IQSEC3: variants seen among roughly 807,000 people sequenced by gnomAD.
The protein encoded by IQSEC3 is IQ motif and SEC7 domain-containing protein 3.
Under a neutral mutation model 105.4 loss-of-function variants are expected in IQSEC3, and 50 were observed. The ratio of observed to expected loss-of-function variants is 0.47; its 90% CI spans 0.38 to 0.60. The LOEUF (loss-of-function observed/expected upper bound fraction) is 0.60. Ranked by LOEUF, IQSEC3 falls within the 20% of genes least tolerant of loss-of-function variation. IQSEC3 has a pLI of 0.00. For missense variants in IQSEC3, 1,415 were observed against 1,630.0 expected (o/e 0.87, Z 2.27); for synonymous variants, 708 against 746.0 (o/e 0.95, Z 0.83).
In IQSEC3 at chr12:163,485, C is replaced by A; in HGVS notation, c.2584-9C>A. 1.9e-6 allele frequency: 3 copies of A among 1,597,334 alleles called. No individual in the cohort carries two copies. Among genetic ancestry groups the A allele is most frequent in the Non-Finnish European group, 2.6e-6 (3 of 1,170,222 alleles). On this transcript the variant is annotated splice_polypyrimidine_tract_variant and intron_variant, in intron 8 of 13. Transcript: ENST00000538872. ...GGTCTCTCCCGCTGAGCGCCCTGCC[C>A]GCGTGCAGGTGCTGTCCGTGCCCCA...
At chr12:84,543 G>A (rs542022108) in intron 1 of IQSEC3, among the ~76,000 whole-genome samples, 28 of 152,336 alleles carry the variant, frequency 1.8e-4, no homozygotes, top group South Asian at 1.5e-3. Flanking sequence ...GGTTTGGGGC[G>A]TTTAGGACCT....
At position 162,066 on chromosome 12, in the gene IQSEC3, G is replaced by A; in HGVS notation, c.2583+1G>A. On this transcript the variant is annotated splice_donor_variant, in intron 8 of 13. Transcript: ENST00000538872. LOFTEE classifies it high-confidence loss of function. ...GAAGTCCATTGTGGGCATGAAGACA[G>A]TGAGTGTCCACAAGCTACCTATCTC... The A allele has an allele frequency of 6.2e-7, 1 of 1,613,626 alleles. No homozygotes were observed. Among genetic ancestry groups the A allele is most frequent in the Non-Finnish European group, 8.5e-7 (1 of 1,179,926 alleles).
chr12:163,541 C>T lies in IQSEC3; in HGVS notation c.2631C>T (p.Phe877=), dbSNP rs564741148. The T allele has an allele frequency of 6.2e-7, 1 of 1,611,880 alleles. No individual in the cohort carries two copies. The highest frequency in any genetic ancestry group is 2.2e-5 in the East Asian group (1 of 44,784). Residue 877 remains phenylalanine, a synonymous_variant, in exon 9 of 14, where the codon TTC becomes TTT. Coordinates refer to ENST00000538872, the MANE Select transcript of IQSEC3 (RefSeq NM_001170738.2). ...GCCTGGTGTGCTGCAGCCGGCTCTT[C>T]GAGGTGACGGATGTGAACAAGCTGC... ...HRRLVCCSRL[F]EVTDVNKLQK... is the part of the protein sequence containing the mutation.
intron 3 of IQSEC3, among the ~76,000 whole-genome samples, chr12:127,757 A>G (rs945560475): frequency 7.2e-5 from 11 of 152,136 alleles, no homozygotes; most frequent in Non-Finnish European, 8.8e-5. Context: ...GTTTGAGTTC[A>G]TTGTAGATTC....
rs539938038 is a variant in IQSEC3 at position 75,208 on chromosome 12, G to T, written c.554+7772G>T. On this transcript the variant is annotated intron_variant, in intron 1 of 13. Transcript: ENST00000538872. ...TATTTGAGCAATCTCCCAGAGAAGG[G>T]TTTGGTAAGAAGGGAGGATACTGGG... Among the ~76,000 whole-genome samples, 22 of 152,388 alleles carry T rather than the reference G, an allele frequency of 1.4e-4. No individual in the cohort carries two copies. In the East Asian group the frequency reaches 3.1e-3, roughly 21 times the overall value.
intron 1 of IQSEC3, among the ~76,000 whole-genome samples, chr12:96,177 A>G (rs1555074727): frequency 6.6e-6 from 1 of 152,214 alleles, no homozygotes; most frequent in Non-Finnish European, 1.5e-5. Context: ...AGGGTGGGAC[A>G]ATTTGAAATA....
At chr12:165,596 G>A (rs893440683) in intron 10 of IQSEC3, 63 bp downstream of exon 10, 23 of 1,550,414 alleles carry the variant, frequency 1.5e-5, no homozygotes, top group African/African-American at 2.7e-5. Context: ...TGGCTGGGGC[G>A]AGTTGAGGGA....
intron 3 of IQSEC3, among the ~76,000 whole-genome samples, chr12:126,164 C>A (rs1301895465): frequency 2.6e-5 from 4 of 152,222 alleles, no homozygotes; most frequent in Admixed American, 2.6e-4. Context: ...GGCTCTGCTC[C>A]TCACACAGTG....
chr12:162,959 A>T (rs868909504), intron 8 of IQSEC3, among the ~76,000 whole-genome samples: 15 of 152,026 alleles, frequency 9.9e-5, no homozygotes, highest in Admixed American at 9.8e-4. Flanking sequence ...TCAATTTCCT[A>T]TTCCTGTCCC....
At chr12:146,434 C>T (rs79226792) in intron 5 of IQSEC3, among the ~76,000 whole-genome samples, 12 of 152,276 alleles carry the variant, frequency 7.9e-5, no homozygotes, top group Admixed American at 3.3e-4. Context: ...TGAGCTCTTA[C>T]GGCACCACTG....
At chr12:70,963 C>T (rs1230198554) in intron 1 of IQSEC3, among the ~76,000 whole-genome samples, 1 of 152,278 alleles carries the variant, frequency 6.6e-6, no homozygotes. Context: ...TCTCTTCTCC[C>T]CTTCTACCTC....
At chr12:73,092 AAAT>A in intron 1 of IQSEC3, among the ~76,000 whole-genome samples, 2 of 143,468 alleles carry the variant, frequency 1.4e-5, no homozygotes, top group African/African-American at 5.5e-5. Context: ...ATAAATAAAT[AAAT>A]AAAAAAGGGA....
chr12:151,104 G>A (rs566700527), intron 5 of IQSEC3, among the ~76,000 whole-genome samples: 22 of 135,252 alleles, frequency 1.6e-4, no homozygotes, highest in Non-Finnish European at 2.9e-4. Flanking sequence ...TGGAGACTCC[G>A]TCTCTCCTCC....
chr12:138,940 A>G lies in IQSEC3; in HGVS notation c.1577A>G (p.Lys526Arg), dbSNP rs1338062288. The G allele has an allele frequency of 2.5e-6, 4 of 1,584,026 alleles. No individual in the cohort carries two copies. The highest frequency in any genetic ancestry group is 1.3e-5 in the African/African-American group (1 of 74,496). ...VQAPAEPAAG[K>R]AEQGETSGRE... ...GCCCCCGCAGAGCCCGCGGCGGGCA[A>G]GGCCGAGCAGGGCGAGACCTCTGGG... Residue 526 changes from lysine to arginine, a missense_variant, in exon 4 of 14, where the codon AAG (lysine) becomes AGG (arginine). Lys to Arg is a conservative substitution (Grantham distance 26, BLOSUM62 2). Coordinates refer to ENST00000538872, the MANE Select transcript of IQSEC3 (RefSeq NM_001170738.2). The surrounding 1 kb of genome is among the most constrained non-coding windows in gnomAD (Gnocchi z 7.1).
rs1867027826 is a variant in IQSEC3 at position 163,619 on chromosome 12, G to A, written c.2709G>A (p.Val903=). The A allele has an allele frequency of 4.1e-6, 6 of 1,462,250 alleles. No individual in the cohort carries two copies. Among genetic ancestry groups the A allele is most frequent in the South Asian group, 1.1e-5 (1 of 88,042 alleles). 90.6% of individuals were successfully genotyped at this position (1,462,250 alleles called of 1,614,324 possible). A position where few individuals can be genotyped will look rare whatever the true frequency, so the allele number is the denominator to read the frequency against. The part of the protein sequence containing the change: ...REVFLFNDLL[V]ILKLCPKKKS... ...TGTTCCTCTTCAATGACCTGCTGGT[G>A]GTGAGTGGCCTCCGCTCCGGGACTG... The change falls in exon 9 of 14, where the codon GTG becomes GTA. Residue 903 remains valine (V), a splice_region_variant and synonymous_variant. Transcript: ENST00000538872.
rs1041539924 is a variant in IQSEC3, at chr12:178,434, T to C, written c.*3401T>C. ...GTTCAATTCATAGAGTTTTAGAGAT[T>C]ATATTGAAAGATGTCACTTGAGCAA... On this transcript the variant is annotated 3_prime_UTR_variant, in exon 14 of 14. Transcript: ENST00000538872. 3.9e-5 allele frequency: 6 copies of C among 152,204 alleles called. No individual in the cohort carries two copies. Among genetic ancestry groups the C allele is most frequent in the Admixed American group, 6.5e-5 (1 of 15,286 alleles). The allele number at this position is 152,204 out of a possible 1,614,324, so 9.4% of individuals were successfully genotyped here.
chr12:156,941 G>T (rs1303403563), intron 5 of IQSEC3, 84 bp from the exon 6 acceptor site: 2 of 1,409,056 alleles, frequency 1.4e-6, no homozygotes, highest in African/African-American at 2.9e-5. Flanking sequence ...ACCTGTCCTG[G>T]CTGGGAACAG....
intron 2 of IQSEC3, among the ~76,000 whole-genome samples, chr12:104,402 G>T (rs191590683): frequency 2.0e-5 from 3 of 152,228 alleles, no homozygotes; most frequent in Admixed American, 2.0e-4. Context: ...AGTCATACAC[G>T]CTAGTTGTTG....
chr12:143,540 C>T (rs1337107101), intron 5 of IQSEC3: 2 of 156,974 alleles, frequency 1.3e-5, no homozygotes, highest in Admixed American at 1.3e-4. Context: ...GTCATCCTGC[C>T]AGAGCAGCCC....
Sources: gnomAD v4.1 joint callset for allele counts (sites outside exome capture counted in the v4.1 genomes callset) on GRCh38, gnomAD v4.1.1 for gene constraint, Gnocchi (gnomAD v3.1) non-coding constraint, MANE v1.5 for transcripts, NCBI Gene and HGNC (gene_info 2026-07-23, HGNC 2026-07-21) for gene names.